Variants in PCBP3 observed in about 807,000 individuals in gnomAD.
PCBP3 encodes poly(rC) binding protein 3, also known as poly(rC)-binding protein 3.
PCBP3 carries 25 observed loss-of-function variants against 52.7 expected under a neutral mutation model. That is an observed-to-expected ratio of 0.47 (90% CI 0.35 to 0.66). The LOEUF is 0.66. Among genes scored for constraint, PCBP3 ranks in the 30% least tolerant of loss-of-function variants. The pLI is 0.01. For missense variants in PCBP3, 391 were observed against 490.3 expected (o/e 0.80, Z 1.91); for synonymous variants, 162 against 183.0 (o/e 0.89, Z 0.93).
At chr21:45,785,152 CCTGT>C (rs1053923698) in intron 4 of PCBP3, among the ~76,000 whole-genome samples, 6 of 151,672 alleles carry the variant, frequency 4.0e-5, no homozygotes, top group Non-Finnish European at 8.8e-5. Flanking sequence ...TGGCAACCGC[CCTGT>C]CTGAGAAGTG....
chr21:45,764,048 C>T (rs973746620), intron 4 of PCBP3, among the ~76,000 whole-genome samples: 13 of 151,664 alleles, frequency 8.6e-5, no homozygotes, highest in Non-Finnish European at 1.8e-4. Context: ...GTGAAGCTGT[C>T]TAGCTCCTCC....
Position 45,737,927 on chromosome 21 carries a change from T to C in PCBP3, c.-162+2498T>C, listed in dbSNP as rs1362272553. ...GGGGAGCCAGTAGTTTTGGAAGCAC[T>C]TGGTTTTTCCATTCCCATGTCTTGG... is the stretch of plus-strand genomic sequence containing the variant. On this transcript the variant is annotated intron_variant, in intron 3 of 17. Transcript: ENST00000681687. This position sits in a 1 kb window ranked among gnomAD's most constrained non-coding sequence, Gnocchi z 4.9. Among the ~76,000 whole-genome samples, 2 of 152,230 alleles carry C rather than the reference T, an allele frequency of 1.3e-5. No individual in the cohort carries two copies. Among genetic ancestry groups the C allele is most frequent in the African/African-American group, 4.8e-5 (2 of 41,462 alleles).
At chr21:45,695,080 G>A (rs927764396) in intron 2 of PCBP3, among the ~76,000 whole-genome samples, 1 of 152,204 alleles carries the variant, frequency 6.6e-6, no homozygotes, top group African/African-American at 2.4e-5. Context: ...ATAGTAATCA[G>A]TACAGAGCCT....
In PCBP3 at chr21:45,724,909, A is replaced by G. The variant is rs1258274713; in HGVS notation, c.-199-10483A>G. Among the ~76,000 whole-genome samples the G allele has an allele frequency of 2.0e-5, 3 of 152,326 alleles. No homozygotes were observed. Among genetic ancestry groups the G allele is most frequent in the East Asian group, 1.9e-4 (1 of 5,184 alleles). On this transcript the variant is annotated intron_variant, in intron 2 of 17. Transcript: ENST00000681687. The surrounding 1 kb of genome is among the most constrained non-coding windows in gnomAD (Gnocchi z 5.3). ...TGTCATTGGGATACTACAGTATTCC[A>G]TGAACTTCCTCTATAACTTAAATGA...
rs981369608 is a variant in PCBP3 at position 45,728,034 on chromosome 21, C to T, written c.-199-7358C>T. Among the ~76,000 whole-genome samples, 5 of 152,096 alleles carry T rather than the reference C, an allele frequency of 3.3e-5. No individual in the cohort carries two copies. In the South Asian group the frequency reaches 6.2e-4, roughly 19 times the overall value. On this transcript the variant is annotated intron_variant, in intron 2 of 17. Transcript: ENST00000681687. The stretch of plus-strand genomic sequence containing the variant: ...AAGTTCTTTGGCTGGTTTATTTCCT[C>T]GGTATCTTCATACAAATTCTAGAAT...
At chr21:45,713,455 A>G (rs920557603) in intron 2 of PCBP3, among the ~76,000 whole-genome samples, 3 of 152,284 alleles carry the variant, frequency 2.0e-5, no homozygotes, top group Non-Finnish European at 4.4e-5. Flanking sequence ...CCCCATACAG[A>G]CACACCTCGT....
chr21:45,881,748 C>T (rs2095411032), intron 5 of PCBP3, among the ~76,000 whole-genome samples: 1 of 152,142 alleles, frequency 6.6e-6, no homozygotes, highest in African/African-American at 2.4e-5. Context: ...CGACAGCCAC[C>T]TCCCACCCTC....
At chr21:45,687,898 T>C (rs2082244968) in intron 2 of PCBP3, among the ~76,000 whole-genome samples, 1 of 151,844 alleles carries the variant, frequency 6.6e-6, no homozygotes, top group Non-Finnish European at 1.5e-5. Flanking sequence ...ACCTGGCTAA[T>C]TTTTTTGTAT....
intron 2 of PCBP3, among the ~76,000 whole-genome samples, chr21:45,725,173 C>A (rs2084938168): frequency 6.6e-6 from 1 of 152,160 alleles, no homozygotes; most frequent in African/African-American, 2.4e-5. Flanking sequence ...GGGCCCTGGG[C>A]TGCGGTGCGT....
At chr21:45,755,773 A>T (rs1008976302) in intron 4 of PCBP3, among the ~76,000 whole-genome samples, 1 of 152,156 alleles carries the variant, frequency 6.6e-6, no homozygotes. Context: ...AAAACATTTT[A>T]TATTGTTTGT....
At chr21:45,941,469 C>T (rs898211545) in intron 17 of PCBP3, among the ~76,000 whole-genome samples, 1 of 152,160 alleles carries the variant, frequency 6.6e-6, no homozygotes, top group Non-Finnish European at 1.5e-5. Flanking sequence ...ACACACCTGA[C>T]GTGGTGATGG....
rs2092258678 is a variant in PCBP3, at chr21:45,800,586, C to G, written c.-126+45134C>G. Reference sequence around the variant, plus strand: ...CCTTGCTGGTGCCTCCTGCCCTGCCCTCTGCTCTCAGCTGCCTGCCCTGGT... The same window carrying G: ...CCTTGCTGGTGCCTCCTGCCCTGCCGTCTGCTCTCAGCTGCCTGCCCTGGT... On this transcript the variant is annotated intron_variant, in intron 4 of 17. Transcript: ENST00000681687. The surrounding 1 kb of genome is among the most constrained non-coding windows in gnomAD (Gnocchi z 5.3). Among the ~76,000 whole-genome samples, 1 of 152,178 alleles carries G rather than the reference C, an allele frequency of 6.6e-6. No individual in the cohort carries two copies. Among genetic ancestry groups the G allele is most frequent in the African/African-American group, 2.4e-5 (1 of 41,458 alleles).
rs950464075 is a variant in PCBP3 at position 45,880,408 on chromosome 21, C to A, written c.11-15800C>A. Among the ~76,000 whole-genome samples, 30 of 152,240 alleles carry A rather than the reference C, an allele frequency of 2.0e-4. No homozygotes were observed. Among genetic ancestry groups the A allele is most frequent in the African/African-American group, 7.0e-4 (29 of 41,466 alleles). On this transcript the variant is annotated intron_variant, in intron 5 of 17. Transcript: ENST00000681687. The surrounding 1 kb of genome is among the most constrained non-coding windows in gnomAD (Gnocchi z 5.4). ...ACCCCCACAGCAGACCCCCAGCAAA[C>A]CCTCAGTGACTGTCTGAATGAAAAA...
chr21:45,781,044 C>T (rs549402329), intron 4 of PCBP3, among the ~76,000 whole-genome samples: 1 of 152,200 alleles, frequency 6.6e-6, no homozygotes, highest in East Asian at 1.9e-4. Flanking sequence ...CACCAGGAGG[C>T]TGTGGTGTAA....
At chr21:45,784,435 CCTA>C in intron 4 of PCBP3, among the ~76,000 whole-genome samples, 1 of 113,660 alleles carries the variant, frequency 8.8e-6, no homozygotes, top group African/African-American at 2.9e-5. Context: ...CCTCCTACCT[CCTA>C]CCTCCTACCT....
intron 2 of PCBP3, among the ~76,000 whole-genome samples, chr21:45,713,362 G>A (rs1429030145): frequency 1.3e-5 from 2 of 152,140 alleles, no homozygotes; most frequent in Non-Finnish European, 2.9e-5. Context: ...AGACAAACCG[G>A]GATGAGCCGC....
Position 45,809,054 on chromosome 21 carries a change from G to C in PCBP3, c.-125-40907G>C, listed in dbSNP as rs371568306. Among the ~76,000 whole-genome samples the C allele has an allele frequency of 9.1e-4, 138 of 152,254 alleles. No individual in the cohort carries two copies. The South Asian group carries it at 0.011, about 12-fold the overall frequency. On this transcript the variant is annotated intron_variant, in intron 4 of 17. Coordinates refer to ENST00000681687, the MANE Select transcript of PCBP3 (RefSeq NM_001384156.1). ...GGGCCTGTTGGGGGGTGGGGGGCTA[G>C]GCAAGGGATAGCATTAGGAGAACTA...
chr21:45,770,859 T>C (rs1043467144), intron 4 of PCBP3, among the ~76,000 whole-genome samples: 1 of 152,166 alleles, frequency 6.6e-6, no homozygotes, highest in African/African-American at 2.4e-5. Flanking sequence ...ACCCACTGCC[T>C]CCATGGCACA....
intron 5 of PCBP3, among the ~76,000 whole-genome samples, chr21:45,877,874 C>T (rs775192344): frequency 6.6e-6 from 1 of 152,256 alleles, no homozygotes; most frequent in South Asian, 2.1e-4. Flanking sequence ...CCACTGAGCA[C>T]AGCTGGGACT....
Sources: gnomAD v4.1 joint callset for allele counts (sites outside exome capture counted in the v4.1 genomes callset) on GRCh38, gnomAD v4.1.1 for gene constraint, Gnocchi (gnomAD v3.1) non-coding constraint, MANE v1.5 for transcripts, NCBI Gene and HGNC (gene_info 2026-07-23, HGNC 2026-07-21) for gene names.